Variants in STK3 observed in about 807,000 individuals in gnomAD.
STK3 encodes serine/threonine kinase 3, also known as serine/threonine-protein kinase 3.
In STK3, 41 loss-of-function variants were observed where a neutral mutation model predicts 58.0. That is an observed-to-expected ratio of 0.71 (90% confidence interval 0.55 to 0.92). STK3 has a LOEUF of 0.92. STK3 is among the 40% of genes least tolerant of loss of function. The pLI is 0.00. For missense variants in STK3, 479 were observed against 602.7 expected, an observed-to-expected ratio of 0.79 and a Z score of 2.15; for synonymous variants, 170 against 191.0, an observed-to-expected ratio of 0.89 and a Z score of 0.91.
chr8:98,877,083 A>C (rs539723305), intron 3 of STK3, among the ~76,000 whole-genome samples: 1 of 152,342 alleles, frequency 6.6e-6, no homozygotes, highest in African/African-American at 2.4e-5. Context: ...TTAGATAGAT[A>C]ACTGTGATTT....
In STK3 at chr8:98,547,989, T is replaced by G. The variant is rs1289794117; in HGVS notation, c.1121A>C (p.Glu374Ala). The G allele has an allele frequency of 1.3e-6, 2 of 1,592,796 alleles. No individual in the cohort carries two copies. Among genetic ancestry groups the G allele is most frequent in the East Asian group, 4.5e-5 (2 of 44,082 alleles). The change falls in exon 9 of 11, where the codon GAA becomes GCA. Residue 374 changes from glutamate (E) to alanine (A), a missense_variant. By Grantham distance (107) the Glu-to-Ala change is moderately radical (BLOSUM62 -1). This residue lies in a region of STK3 where 309 missense variants were observed against 355.7 expected (regional missense o/e 0.87). Transcript: ENST00000419617. The part of the protein sequence containing the change: ...TMVINSEDEE[E>A]EDGTMKRNAT... ...CATACTTTTCATAGTTCCATCTTCTTCTTCCTCATCCTCACTGTTTATCAC... is the reference window on the plus strand; with the variant it reads ...CATACTTTTCATAGTTCCATCTTCTGCTTCCTCATCCTCACTGTTTATCAC...
At chr8:98,408,052 C>T (rs1020400204) in intron 3 of STK3, among the ~76,000 whole-genome samples, 2 of 152,156 alleles carry the variant, frequency 1.3e-5, no homozygotes, top group Non-Finnish European at 2.9e-5. Flanking sequence ...CTTGATGAGA[C>T]CAGAACTCAC....
chr8:98,465,463 G>A (rs911201699), intron 10 of STK3, among the ~76,000 whole-genome samples: 1 of 152,186 alleles, frequency 6.6e-6, no homozygotes, highest in Non-Finnish European at 1.5e-5. Context: ...TGTACCTGGT[G>A]AAGCATTTTA....
At position 98,619,362 on chromosome 8, in the gene STK3, C is replaced by T. The variant is rs916731701; in HGVS notation, c.685-23193G>A. ...CGTTAGTCCTAAAACCATAAAAACC[C>T]TAGAAGAAAACCTAGGCATTACCAT... is the stretch of plus-strand genomic sequence containing the variant. On this transcript the variant is annotated intron_variant, in intron 6 of 10. Coordinates refer to ENST00000419617, the MANE Select transcript of STK3 (RefSeq NM_006281.4). Among the ~76,000 whole-genome samples, 2 of 151,402 alleles carry T rather than the reference C, an allele frequency of 1.3e-5. 1 individual carries two copies. The highest frequency in any genetic ancestry group is 4.9e-5 in the African/African-American group (2 of 40,824).
At chr8:98,849,652 G>A (rs1587745731) in intron 3 of STK3, among the ~76,000 whole-genome samples, 1 of 152,136 alleles carries the variant, frequency 6.6e-6, no homozygotes, top group East Asian at 1.9e-4. Flanking sequence ...TTCTGCTTTG[G>A]CTTAATTCTC....
At chr8:98,871,718 C>T (rs1042399684) in intron 3 of STK3, among the ~76,000 whole-genome samples, 14 of 152,176 alleles carry the variant, frequency 9.2e-5, no homozygotes, top group Non-Finnish European at 2.1e-4. Context: ...GCTGACGTTG[C>T]TTATCAGTTT....
At position 98,428,021 on chromosome 8, in the gene STK3, C is replaced by G. The variant is rs372037161; in HGVS notation, n.483+6106G>C. The G allele has an allele frequency of 8.6e-5, 138 of 1,598,994 alleles. No homozygotes were observed. Among genetic ancestry groups the G allele is most frequent in the Non-Finnish European group, 1.1e-4 (132 of 1,171,912 alleles). On this transcript the variant is annotated intron_variant and non_coding_transcript_variant, in intron 3 of 3. Coordinates refer to the STK3 transcript ENST00000517832. This position sits in a 1 kb window ranked among gnomAD's most constrained non-coding sequence, Gnocchi z 6.7. The stretch of plus-strand genomic sequence containing the variant: ...TGTGGGACGTGTCGGAGGCTAACGT[C>G]GAGGACGGGGAGATCCGCATCAATG...
chr8:98,893,481 A>AGAAAGAAG (rs1564087202), intron 1 of STK3, among the ~76,000 whole-genome samples: 38 of 70,384 alleles, frequency 5.4e-4, no homozygotes, highest in Admixed American at 1.7e-3. Flanking sequence ...AAAGAAAGAA[A>AGAAAGAAG]GAAAGAGAAA....
chr8:98,562,963 A>T (rs1425047812), intron 8 of STK3, among the ~76,000 whole-genome samples: 1 of 147,848 alleles, frequency 6.8e-6, no homozygotes, highest in Non-Finnish European at 1.5e-5. Flanking sequence ...ATGCAAAATT[A>T]AAAAAAAAAA....
intron 3 of STK3, among the ~76,000 whole-genome samples, chr8:98,844,957 C>A (rs950689888): frequency 6.6e-6 from 1 of 152,192 alleles, no homozygotes. Context: ...TTTGCTTTCA[C>A]GTGACAAAAA....
chr8:98,397,637 G>C (rs1242960708), downstream of STK3, among the ~76,000 whole-genome samples: 1 of 152,148 alleles, frequency 6.6e-6, no homozygotes, highest in Non-Finnish European at 1.5e-5. Flanking sequence ...GCTTCTGCTT[G>C]TTTGTCTCTG....
chr8:98,633,791 T>C (rs1819432802), intron 6 of STK3: 3 of 538,346 alleles, frequency 5.6e-6, no homozygotes, highest in Non-Finnish European at 1.0e-5. Flanking sequence ...AGCAAGTGTA[T>C]GGTAAAGCAG....
Position 98,526,796 on chromosome 8 carries a change from G to T in STK3, c.1263C>A (p.Ser421=). Residue 421 remains serine, a synonymous_variant, in exon 10 of 11, where the codon TCC becomes TCA. Transcript: ENST00000419617. ...NQNMHEPFPM[S]KNVFPDNWKV... ...TCCAGTTATCAGGAAAAACGTTTTT[G>T]GACATAGGGAAGGGTTCATGCATGT... is the stretch of plus-strand genomic sequence containing the variant. 1 of 1,585,424 alleles carries T rather than the reference G, an allele frequency of 6.3e-7. No individual in the cohort carries two copies.
chr8:98,429,171 G>A, intron 3 of STK3: 1 of 1,613,728 alleles, frequency 6.2e-7, no homozygotes, highest in Non-Finnish European at 8.5e-7. Context: ...CATCTTGGCA[G>A]GCATCCTCGT....
chr8:98,625,976 T>C (rs1418890253), intron 6 of STK3, among the ~76,000 whole-genome samples: 1 of 152,114 alleles, frequency 6.6e-6, no homozygotes, highest in African/African-American at 2.4e-5. Context: ...TTCAGAACCA[T>C]CTACCACGTC....
chr8:98,510,834 T>TTC (rs1824458062), intron 10 of STK3, among the ~76,000 whole-genome samples: 1 of 152,058 alleles, frequency 6.6e-6, no homozygotes, highest in Admixed American at 6.6e-5. Context: ...TAAAATAGGA[T>TTC]ACCCTGTGAG....
At chr8:98,510,144 T>C (rs1824393011) in intron 10 of STK3, among the ~76,000 whole-genome samples, 1 of 152,112 alleles carries the variant, frequency 6.6e-6, no homozygotes, top group African/African-American at 2.4e-5. Context: ...GATGTTGACA[T>C]ACATTATTCT....
chr8:98,762,534 G>C (rs142561538), intron 3 of STK3, among the ~76,000 whole-genome samples: 1 of 152,202 alleles, frequency 6.6e-6, no homozygotes, highest in Non-Finnish European at 1.5e-5. Flanking sequence ...GATTACAGGC[G>C]TGAGCCATGG....
chr8:98,593,981 C>G (rs1015710006), intron 7 of STK3, among the ~76,000 whole-genome samples: 1 of 152,036 alleles, frequency 6.6e-6, no homozygotes, highest in African/African-American at 2.4e-5. Context: ...ACTAGGAGTC[C>G]AAAGGTAGTA....
Sources: allele counts gnomAD v4.1 joint callset (sites outside exome capture counted in the v4.1 genomes callset), GRCh38; gene constraint gnomAD v4.1.1; regional missense constraint gnomAD v4.1.1; non-coding constraint Gnocchi (gnomAD v3.1); transcripts MANE v1.5; gene names NCBI Gene and HGNC (gene_info 2026-07-23, HGNC 2026-07-21).